The following SLC9D1 variants were observed in gnomAD, a reference collection of about 807,000 sequenced individuals.
SLC9D1 encodes the protein putative LAG1-interacting protein.
the SLC9D1 span, chr13:113,548,558 G>C: frequency 0.3 from 384,014 of 1,273,446 alleles, 63,391 homozygotes; most frequent in African/African-American, 0.61. Flanking sequence ...GGGCCTGGGG[G>C]CAGGGTCCTC....
At chr13:113,498,096 A>G in the SLC9D1 span, among the ~76,000 whole-genome samples, 1 of 152,240 alleles carries the variant, frequency 6.6e-6, no homozygotes, top group Non-Finnish European at 1.5e-5. Flanking sequence ...CAGATATTAC[A>G]TTTACTTTTG....
At chr13:113,540,663 T>C in the SLC9D1 span, among the ~76,000 whole-genome samples, 1 of 152,358 alleles carries the variant, frequency 6.6e-6, no homozygotes, top group Admixed American at 6.5e-5. Flanking sequence ...AGTTTGCAAG[T>C]ATTCTCTCGC....
the SLC9D1 span, among the ~76,000 whole-genome samples, chr13:113,508,101 G>A: frequency 2.6e-5 from 4 of 152,240 alleles, no homozygotes; most frequent in Admixed American, 6.5e-5. Flanking sequence ...TTCCCACTGT[G>A]GTGTCTGGAC....
chr13:113,499,055 G>GA, the SLC9D1 span, among the ~76,000 whole-genome samples: 2 of 152,194 alleles, frequency 1.3e-5, no homozygotes, highest in Non-Finnish European at 1.5e-5. Flanking sequence ...AATTTTCTGG[G>GA]AAAGGGGTGG....
chr13:113,547,966 T>C, the SLC9D1 span, among the ~76,000 whole-genome samples: 1 of 143,738 alleles, frequency 7.0e-6, no homozygotes, highest in African/African-American at 2.5e-5. Context: ...TCTCTCTGTA[T>C]TAAAAAGAAA....
chr13:113,540,223 C>A, the SLC9D1 span, among the ~76,000 whole-genome samples: 5 of 152,272 alleles, frequency 3.3e-5, no homozygotes, highest in Admixed American at 3.3e-4. Flanking sequence ...GTCTTTATGG[C>A]AGAAGGACGT....
At chr13:113,540,118 T>C in the SLC9D1 span, among the ~76,000 whole-genome samples, 6 of 152,196 alleles carry the variant, frequency 3.9e-5, no homozygotes, top group African/African-American at 7.2e-5. Context: ...TGGTCCACGG[T>C]TGATGGACAG....
the SLC9D1 span, among the ~76,000 whole-genome samples, chr13:113,537,571 C>T: frequency 5.3e-5 from 8 of 152,232 alleles, no homozygotes; most frequent in Admixed American, 1.3e-4. Context: ...ACTCTCTTAA[C>T]GGTGTCTTTT....
chr13:113,538,084 T>C, the SLC9D1 span, among the ~76,000 whole-genome samples: 1 of 151,732 alleles, frequency 6.6e-6, no homozygotes, highest in Admixed American at 6.6e-5. Context: ...TCGTTTGCCT[T>C]GTGTGGAATG....
At chr13:113,532,843 C>A in the SLC9D1 span, among the ~76,000 whole-genome samples, 1 of 100,960 alleles carries the variant, frequency 9.9e-6, no homozygotes, top group Admixed American at 9.7e-5. Flanking sequence ...CTCCTGAAGT[C>A]GCAGACGTGG....
chr13:113,540,471 G>A, the SLC9D1 span, among the ~76,000 whole-genome samples: 7 of 152,132 alleles, frequency 4.6e-5, no homozygotes, highest in East Asian at 5.8e-4. Flanking sequence ...TTTGATTTGC[G>A]TTTCTCTAAT....
At chr13:113,541,655 T>A in the SLC9D1 span, among the ~76,000 whole-genome samples, 26,094 of 100,428 alleles carry the variant, frequency 0.26, 1,337 homozygotes, top group African/African-American at 0.46. Flanking sequence ...CCATGCTTTA[T>A]TACCGCCGAG....
At chr13:113,496,017 G>T in the SLC9D1 span, 1 of 1,608,564 alleles carries the variant, frequency 6.2e-7, no homozygotes, top group South Asian at 1.1e-5. Context: ...GAGAGAGGCT[G>T]CAATAAAGGT....
chr13:113,524,138 C>T, the SLC9D1 span: 3 of 456,360 alleles, frequency 6.6e-6, no homozygotes, highest in Non-Finnish European at 1.3e-5. Context: ...GTTAACTGCG[C>T]TATTTCGTGT....
the SLC9D1 span, chr13:113,534,000 A>T: frequency 1.4e-6 from 2 of 1,417,380 alleles, no homozygotes; most frequent in Non-Finnish European, 1.9e-6. Context: ...AGTTTTAGAG[A>T]ACTGTGTTTT....
chr13:113,512,571 G>T, the SLC9D1 span, among the ~76,000 whole-genome samples: 1 of 151,780 alleles, frequency 6.6e-6, no homozygotes, highest in African/African-American at 2.4e-5. Flanking sequence ...GGAGCCCCAG[G>T]TGCTGGAACT....
the SLC9D1 span, among the ~76,000 whole-genome samples, chr13:113,522,755 C>G: frequency 6.6e-6 from 1 of 152,046 alleles, no homozygotes. Context: ...GCCCAGCCTT[C>G]CGAGCAGCTG....
At chr13:113,494,298 A>G in the SLC9D1 span, among the ~76,000 whole-genome samples, 3 of 151,982 alleles carry the variant, frequency 2.0e-5, no homozygotes, top group South Asian at 2.1e-4. Context: ...CTAGTGGCCA[A>G]ATTCCACGGA....
chr13:113,494,384 C>A, the SLC9D1 span, among the ~76,000 whole-genome samples: 1 of 152,102 alleles, frequency 6.6e-6, no homozygotes, highest in Non-Finnish European at 1.5e-5. Context: ...GTGACCTTTG[C>A]TGGCCGCTGT....
Sources: gnomAD v4.1 joint callset for allele counts (sites outside exome capture counted in the v4.1 genomes callset) on GRCh38, gnomAD v4.1.1 for gene constraint, MANE v1.5 for transcripts, NCBI Gene and HGNC (gene_info 2026-07-23, HGNC 2026-07-21) for gene names.